The following IRAK1BP1 variants were observed in gnomAD, a reference collection of about 807,000 sequenced individuals.
The protein encoded by IRAK1BP1 is interleukin-1 receptor-associated kinase 1-binding protein 1.
IRAK1BP1 carries 24 observed loss-of-function variants against 28.0 expected under a neutral mutation model. The ratio of observed to expected loss-of-function variants is 0.86; its 90% CI spans 0.62 to 1.20. The LOEUF is 1.20. IRAK1BP1 is among the 50% of genes most tolerant of loss of function. The pLI is 0.00. For synonymous variants in IRAK1BP1, 131 were observed against 116.3 expected (o/e 1.13, Z -0.81); for missense variants, 336 against 316.7 (o/e 1.06, Z -0.46).
At chr6:78,948,962 G>A (rs955060264), downstream of IRAK1BP1, among the ~76,000 whole-genome samples, 3 of 152,140 alleles carry the variant, frequency 2.0e-5, no homozygotes, top group Non-Finnish European at 2.9e-5. Flanking sequence ...CTTTCCAATA[G>A]TTATGCCTTT....
intron 1 of IRAK1BP1, among the ~76,000 whole-genome samples, chr6:78,876,468 A>G (rs2127667500): frequency 6.6e-6 from 1 of 152,368 alleles, no homozygotes; most frequent in African/African-American, 2.4e-5. Context: ...ATTTAGAAAT[A>G]AACAGTAGCT....
Position 78,902,811 on chromosome 6 carries a change from C to A in IRAK1BP1, c.*4477C>A, listed in dbSNP as rs1194480200. ...ACATACATACATACATACATACATA[C>A]ATACATACATAAAATGCCCAGTATC... is the stretch of plus-strand genomic sequence containing the variant. On this transcript the variant is annotated 3_prime_UTR_variant, in exon 4 of 4. Coordinates refer to ENST00000369940, the MANE Select transcript of IRAK1BP1 (RefSeq NM_001010844.4). 7 of 283,150 alleles carry A rather than the reference C, an allele frequency of 2.5e-5. No homozygotes were observed. The highest frequency in any genetic ancestry group is 6.1e-5 in the Admixed American group (1 of 16,422). The allele number at this position is 283,150 out of a possible 1,614,324, so 17.5% of individuals were successfully genotyped here.
chr6:78,974,002 AACTC>A, the IRAK1BP1 span, among the ~76,000 whole-genome samples: 1 of 152,152 alleles, frequency 6.6e-6, no homozygotes, highest in Non-Finnish European at 1.5e-5. Context: ...CCAGGAATTG[AACTC>A]AGCTCTGCAC....
chr6:78,907,808 C>T (rs1772297454), downstream of IRAK1BP1, among the ~76,000 whole-genome samples: 1 of 151,900 alleles, frequency 6.6e-6, no homozygotes, highest in Non-Finnish European at 1.5e-5. Flanking sequence ...CAACCTCTGC[C>T]TCCCGGGTTC....
chr6:78,976,231 A>G, the IRAK1BP1 span, among the ~76,000 whole-genome samples: 161 of 146,228 alleles, frequency 1.1e-3, no homozygotes, highest in Non-Finnish European at 2.1e-3. Flanking sequence ...CATATCTACA[A>G]CTATCTGATC....
chr6:78,914,968 G>A (rs1033602596), intron 4 of IRAK1BP1, among the ~76,000 whole-genome samples: 1 of 151,886 alleles, frequency 6.6e-6, no homozygotes, highest in African/African-American at 2.4e-5. Context: ...TTATAGGCAC[G>A]TGCCACCATG....
At chr6:78,970,066 G>A in the IRAK1BP1 span, 18 of 1,613,272 alleles carry the variant, frequency 1.1e-5, no homozygotes, top group East Asian at 4.5e-5. Context: ...TAAATGATCC[G>A]CCAGTCAGTT....
the IRAK1BP1 span, among the ~76,000 whole-genome samples, chr6:78,972,722 G>A: frequency 1.3e-5 from 2 of 152,304 alleles, no homozygotes; most frequent in African/African-American, 2.4e-5. Flanking sequence ...CGAGAACTAT[G>A]TGAAGAATGC....
At chr6:78,893,926 T>G (rs960713042) in intron 2 of IRAK1BP1, among the ~76,000 whole-genome samples, 5 of 151,914 alleles carry the variant, frequency 3.3e-5, no homozygotes, top group Non-Finnish European at 7.4e-5. Flanking sequence ...ACTGACTAAA[T>G]AAATGATAAT....
intron 4 of IRAK1BP1, among the ~76,000 whole-genome samples, chr6:78,943,110 G>A (rs1391598262): frequency 1.3e-5 from 2 of 151,884 alleles, no homozygotes; most frequent in Non-Finnish European, 1.5e-5. Flanking sequence ...GATATAATGG[G>A]ATAAATAAAA....
At position 78,902,070 on chromosome 6, in the gene IRAK1BP1, C is replaced by T. The variant is rs1271686442; in HGVS notation, c.*3736C>T. ...TTTATTTATTCCAACAAAAAAAGAC[C>T]TATATAAATTAGTTTAAGCTAACAT... is the stretch of plus-strand genomic sequence containing the variant. On this transcript the variant is annotated 3_prime_UTR_variant, in exon 4 of 4. Transcript: ENST00000369940. 6.6e-6 allele frequency: 1 copy of T among 152,078 alleles called. No individual in the cohort carries two copies. Among genetic ancestry groups the T allele is most frequent in the Non-Finnish European group, 1.5e-5 (1 of 67,994 alleles). 9.4% of individuals were successfully genotyped at this position (152,078 alleles called of 1,614,324 possible). A position where few individuals can be genotyped will look rare whatever the true frequency, so the allele number is the denominator to read the frequency against.
At chr6:78,879,516 G>C (rs1771143714) in intron 1 of IRAK1BP1, among the ~76,000 whole-genome samples, 1 of 152,104 alleles carries the variant, frequency 6.6e-6, no homozygotes. Context: ...ATGTCTGTAT[G>C]CAAAAAAATG....
At chr6:78,870,109 CAAAAAAAAAAAAAAAAAAA>C (rs70977749) in intron 1 of IRAK1BP1, among the ~76,000 whole-genome samples, 7 of 41,562 alleles carry the variant, frequency 1.7e-4, no homozygotes, top group Non-Finnish European at 1.2e-4. Flanking sequence ...AACTCCGTCC[CAAAAAAAAAAAAAAAAAAA>C]AAAAAAAAAA....
chr6:78,936,754 T>C (rs189704149), intron 4 of IRAK1BP1: 2 of 151,888 alleles, frequency 1.3e-5, no homozygotes, highest in Non-Finnish European at 3.0e-5. Context: ...TACAGTCTTC[T>C]GACTCAATTT....
chr6:78,911,184 C>T (rs1772407584), intron 4 of IRAK1BP1, among the ~76,000 whole-genome samples: 1 of 152,082 alleles, frequency 6.6e-6, no homozygotes, highest in South Asian at 2.1e-4. Context: ...GACCGGGCCA[C>T]CTCCCCCGCA....
the IRAK1BP1 span, among the ~76,000 whole-genome samples, chr6:78,972,320 G>C: frequency 1.3e-5 from 2 of 152,162 alleles, no homozygotes; most frequent in Admixed American, 6.5e-5. Flanking sequence ...TGAGGGTCCT[G>C]TCTGTTAGAA....
rs771507883 is a variant in IRAK1BP1, at chr6:78,927,022, CT to C, written c.*68-18385del. Among the ~76,000 whole-genome samples the C allele has an allele frequency of 2.0e-5, 3 of 152,226 alleles. No individual in the cohort carries two copies. The South Asian group carries it at 6.2e-4, about 32-fold the overall frequency. Reference sequence around the variant, plus strand: ...ACAATAAACATGGAAGTTCAGGTATCTCTTGGATATACTGATTTCCTTTTTT... The same window carrying C: ...ACAATAAACATGGAAGTTCAGGTATCCTTGGATATACTGATTTCCTTTTTT... On this transcript the variant is annotated intron_variant and NMD_transcript_variant, in intron 4 of 4. Coordinates refer to the IRAK1BP1 transcript ENST00000606868.
chr6:78,886,454 A>T (rs1475183244), intron 2 of IRAK1BP1, among the ~76,000 whole-genome samples: 1 of 152,144 alleles, frequency 6.6e-6, no homozygotes, highest in South Asian at 2.1e-4. Context: ...ACTTGGCAAA[A>T]CTTATTTCGT....
chr6:78,907,973 C>T (rs1157789811), downstream of IRAK1BP1, among the ~76,000 whole-genome samples: 1 of 150,702 alleles, frequency 6.6e-6, no homozygotes, highest in Non-Finnish European at 1.5e-5. Flanking sequence ...CCGCCTCAGC[C>T]TCCCAAAGTG....
Sources: allele counts gnomAD v4.1 joint callset (sites outside exome capture counted in the v4.1 genomes callset), GRCh38; gene constraint gnomAD v4.1.1; transcripts MANE v1.5; gene names NCBI Gene and HGNC (gene_info 2026-07-23, HGNC 2026-07-21).